Variants in TRAPPC9 observed in about 807,000 individuals in gnomAD.
TRAPPC9 encodes IKK2 binding protein.
TRAPPC9 carries 83 observed loss-of-function variants against 124.0 expected under a neutral mutation model. That is an observed-to-expected ratio of 0.67 (90% confidence interval 0.56 to 0.80). TRAPPC9 has a LOEUF of 0.80. TRAPPC9 is among the 30% of genes least tolerant of loss of function. The pLI, the probability that TRAPPC9 is intolerant of heterozygous loss-of-function variation, is 0.00. For missense variants in TRAPPC9, 1,302 were observed against 1,508.3 expected (o/e 0.86, Z 2.27); for synonymous variants, 638 against 617.5 (o/e 1.03, Z -0.49).
At chr8:140,283,791 A>G in intron 14 of TRAPPC9, 98 bp downstream of exon 14, 1 of 1,338,082 alleles carries the variant, frequency 7.5e-7, no homozygotes, top group African/African-American at 1.4e-5. Flanking sequence ...TCTGGTCATA[A>G]GAATTACAGG....
At chr8:139,888,097 C>T (rs1306626433) in intron 20 of TRAPPC9, among the ~76,000 whole-genome samples, 1 of 152,230 alleles carries the variant, frequency 6.6e-6, no homozygotes, top group Non-Finnish European at 1.5e-5. Flanking sequence ...CTGCTTGCTT[C>T]ATTCCACAGC....
chr8:140,042,819 T>C (rs1841356172), intron 17 of TRAPPC9, among the ~76,000 whole-genome samples: 1 of 152,218 alleles, frequency 6.6e-6, no homozygotes. Context: ...CTTTGCTTCT[T>C]TCTCATGCCA....
intron 17 of TRAPPC9, among the ~76,000 whole-genome samples, chr8:140,211,788 G>A (rs2063067989): frequency 6.6e-6 from 1 of 152,178 alleles, no homozygotes; most frequent in Non-Finnish European, 1.5e-5. Flanking sequence ...GGGGCTGTCT[G>A]GCCTCACTGT....
intron 7 of TRAPPC9, among the ~76,000 whole-genome samples, chr8:140,388,098 T>C (rs1205374662): frequency 1.3e-5 from 2 of 151,286 alleles, no homozygotes; most frequent in African/African-American, 4.9e-5. Flanking sequence ...CTGGAAACCA[T>C]CATTCTCAGC....
intron 20 of TRAPPC9, among the ~76,000 whole-genome samples, chr8:139,889,541 G>A (rs1040236293): frequency 2.0e-5 from 3 of 152,230 alleles, no homozygotes; most frequent in African/African-American, 7.2e-5. Flanking sequence ...GTTTGGGAAG[G>A]TGAAAAAGTT....
chr8:140,351,759 G>A (rs1406660858), intron 9 of TRAPPC9, among the ~76,000 whole-genome samples: 1 of 152,140 alleles, frequency 6.6e-6, no homozygotes, highest in Non-Finnish European at 1.5e-5. Flanking sequence ...CAATACTCAG[G>A]GATGACTGTG....
chr8:140,189,779 C>T (rs2062441660), intron 17 of TRAPPC9, among the ~76,000 whole-genome samples: 1 of 152,110 alleles, frequency 6.6e-6, no homozygotes, highest in African/African-American at 2.4e-5. Context: ...TCTTTTGCTT[C>T]GCATTTGCAG....
At chr8:140,380,140 T>C (rs993144028) in intron 7 of TRAPPC9, among the ~76,000 whole-genome samples, 3 of 152,122 alleles carry the variant, frequency 2.0e-5, no homozygotes, top group Non-Finnish European at 4.4e-5. Context: ...GCCAGAACCA[T>C]CTTCAAAAAG....
intron 21 of TRAPPC9, among the ~76,000 whole-genome samples, chr8:139,868,435 A>G (rs1225998927): frequency 6.6e-6 from 1 of 152,242 alleles, no homozygotes; most frequent in Non-Finnish European, 1.5e-5. Flanking sequence ...AAGTTTGTGC[A>G]TGATATTATT....
rs1270948588 is a variant in TRAPPC9, at chr8:140,186,532, C to T, written c.2556+34927G>A. Among the ~76,000 whole-genome samples, 4 of 151,850 alleles carry T rather than the reference C, an allele frequency of 2.6e-5. No homozygotes were observed. In the South Asian group the frequency reaches 6.2e-4, roughly 24 times the overall value. On this transcript the variant is annotated intron_variant, in intron 17 of 22. Coordinates refer to ENST00000438773, the MANE Select transcript of TRAPPC9 (RefSeq NM_001160372.4). ...ACCCGGGAGGCAGAGGTTGCCACTG[C>T]ACTCCAGCCTAGGCGACAGAGCGAG...
At chr8:139,762,112 G>A (rs889158545) in intron 21 of TRAPPC9, among the ~76,000 whole-genome samples, 1 of 151,672 alleles carries the variant, frequency 6.6e-6, no homozygotes, top group Non-Finnish European at 1.5e-5. Context: ...CCTGCAGCCC[G>A]AGTGAGGGCC....
At chr8:139,822,396 C>T (rs1825311165) in intron 21 of TRAPPC9, among the ~76,000 whole-genome samples, 1 of 152,204 alleles carries the variant, frequency 6.6e-6, no homozygotes, top group Non-Finnish European at 1.5e-5. Context: ...TGCTCATGTG[C>T]TCCGAGAGAA....
chr8:140,385,359 A>G (rs1032952683), intron 7 of TRAPPC9, among the ~76,000 whole-genome samples: 2 of 152,042 alleles, frequency 1.3e-5, no homozygotes, highest in Non-Finnish European at 2.9e-5. Flanking sequence ...AAAAACCTTT[A>G]AAAATCAATG....
At chr8:139,951,645 T>G (rs1834651731) in intron 19 of TRAPPC9, among the ~76,000 whole-genome samples, 1 of 152,234 alleles carries the variant, frequency 6.6e-6, no homozygotes, top group African/African-American at 2.4e-5. Context: ...GCTGCAGAGT[T>G]AGAGGCTGGG....
chr8:139,884,782 G>A (rs558317062), intron 21 of TRAPPC9, among the ~76,000 whole-genome samples: 1 of 152,280 alleles, frequency 6.6e-6, no homozygotes, highest in South Asian at 2.1e-4. Context: ...ACTCAGGCTG[G>A]CTCAGAGAGG....
chr8:140,029,496 C>A (rs1295027247), intron 17 of TRAPPC9, among the ~76,000 whole-genome samples: 5 of 152,230 alleles, frequency 3.3e-5, no homozygotes, highest in African/African-American at 1.2e-4. Flanking sequence ...CAGAGCAAGA[C>A]TCTGTCTCTG....
chr8:139,994,824 G>C (rs1837863031), intron 18 of TRAPPC9, among the ~76,000 whole-genome samples: 1 of 152,038 alleles, frequency 6.6e-6, no homozygotes, highest in African/African-American at 2.4e-5. Context: ...AGCAAAAATC[G>C]TAAGGCACAG....
chr8:139,794,663 C>G (rs943864248), intron 21 of TRAPPC9, among the ~76,000 whole-genome samples: 2 of 152,210 alleles, frequency 1.3e-5, no homozygotes, highest in Non-Finnish European at 1.5e-5. Context: ...TCCTGGCACT[C>G]CCTCTCCAGG....
intron 21 of TRAPPC9, among the ~76,000 whole-genome samples, chr8:139,794,463 C>T (rs1194716982): frequency 6.6e-6 from 1 of 152,228 alleles, no homozygotes; most frequent in East Asian, 1.9e-4. Flanking sequence ...TTCTCGCTTA[C>T]CAAAGGGGAG....
Sources: allele counts gnomAD v4.1 joint callset (sites outside exome capture counted in the v4.1 genomes callset), GRCh38; gene constraint gnomAD v4.1.1; transcripts MANE v1.5; gene names NCBI Gene and HGNC (gene_info 2026-07-23, HGNC 2026-07-21).